MCC: variants seen among roughly 807,000 people sequenced by gnomAD.
MCC encodes the protein colorectal mutant cancer protein.
A neutral mutation model predicts 116.2 loss-of-function variants in MCC; 90 were observed. The observed-to-expected ratio is 0.77, with a 90% confidence interval of 0.65 to 0.92. The LOEUF is 0.92. MCC is among the 40% of genes least tolerant of loss of function. The probability of loss-of-function intolerance (pLI) is 0.00; values close to 1 mark genes in which losing one functional copy is unlikely to be tolerated. For missense variants in MCC, 1,516 were observed against 1,312.2 expected (o/e 1.16, Z -2.40); for synonymous variants, 578 against 510.5 (o/e 1.13, Z -1.78).
intron 15 of MCC, among the ~76,000 whole-genome samples, chr5:113,050,597 T>A (rs529122106): frequency 6.6e-6 from 1 of 152,216 alleles, no homozygotes; most frequent in African/African-American, 2.4e-5. Context: ...AAAGCCAGAA[T>A]GAAAGGTGTG....
rs183063161 is a variant in MCC, at chr5:113,071,601, C to T, written c.1785-367G>A. Among the ~76,000 whole-genome samples, 26 of 152,324 alleles carry T rather than the reference C, an allele frequency of 1.7e-4. No individual in the cohort carries two copies. The East Asian group carries it at 4.0e-3, about 24-fold the overall frequency. ...GTCTGGTGGGCTTAGATAAGTCACC[C>T]TCCACATGCAAGGATGAAAAGCAGC... On this transcript the variant is annotated intron_variant, in intron 11 of 18. Coordinates refer to ENST00000408903, the MANE Select transcript of MCC (RefSeq NM_001085377.2).
intron 8 of MCC, among the ~76,000 whole-genome samples, chr5:113,100,685 C>T (rs1181620332): frequency 6.6e-6 from 1 of 152,028 alleles, no homozygotes; most frequent in Non-Finnish European, 1.5e-5. Context: ...ATTGGCCAGG[C>T]TGGTCTTGAA....
intron 1 of MCC, chr5:113,433,889 C>A (rs919931737): frequency 6.2e-7 from 1 of 1,614,042 alleles, no homozygotes; most frequent in Non-Finnish European, 8.5e-7. Flanking sequence ...GGGGCTGTGC[C>A]TCTCCCTCAG....
chr5:113,333,836 T>TACATATATAC (rs372077130), intron 3 of MCC, among the ~76,000 whole-genome samples: 43 of 59,284 alleles, frequency 7.3e-4, no homozygotes, highest in African/African-American at 9.4e-4. Context: ...TGTATATATG[T>TACATATATAC]ATATATGTAT....
chr5:113,386,770 T>C (rs1769267315), intron 1 of MCC, among the ~76,000 whole-genome samples: 2 of 150,528 alleles, frequency 1.3e-5, no homozygotes, highest in Non-Finnish European at 3.0e-5. Flanking sequence ...TATATATATA[T>C]ATATGCCTCT....
intron 3 of MCC, among the ~76,000 whole-genome samples, chr5:113,264,960 T>C (rs944609023): frequency 1.3e-5 from 2 of 152,064 alleles, no homozygotes; most frequent in Non-Finnish European, 2.9e-5. Flanking sequence ...GAGAATCGCT[T>C]AACTTGGGAG....
At chr5:113,351,808 A>T (rs1768275235) in intron 2 of MCC, among the ~76,000 whole-genome samples, 1 of 152,194 alleles carries the variant, frequency 6.6e-6, no homozygotes, top group Non-Finnish European at 1.5e-5. Flanking sequence ...CATGTACCCC[A>T]TAAATATATA....
At chr5:113,485,120 C>T (rs570493782) in intron 1 of MCC, among the ~76,000 whole-genome samples, 3 of 152,146 alleles carry the variant, frequency 2.0e-5, no homozygotes, top group African/African-American at 7.2e-5. Context: ...TTTTTGTCAG[C>T]CTGATAGGAA....
intron 1 of MCC, among the ~76,000 whole-genome samples, chr5:113,411,079 G>A (rs1030298616): frequency 6.6e-6 from 1 of 152,166 alleles, no homozygotes; most frequent in Non-Finnish European, 1.5e-5. Flanking sequence ...ATGTGCATGT[G>A]TCTTCATAGC....
chr5:113,312,880 A>T (rs1767168914), intron 3 of MCC, among the ~76,000 whole-genome samples: 1 of 152,214 alleles, frequency 6.6e-6, no homozygotes, highest in African/African-American at 2.4e-5. Flanking sequence ...TAAATAAATG[A>T]TTGAGAGATT....
rs532166745 is a variant in MCC, at chr5:113,075,151, C to T, written c.1785-3917G>A. 2.9e-4 allele frequency among the ~76,000 whole-genome samples: 44 copies of T among 152,342 alleles called. 1 individual carries two copies. In the South Asian group the frequency reaches 8.9e-3, roughly 31 times the overall value. ...TGGAGCAGCCGGCTGGTGCCACTGG[C>T]CCTGGGCAGTGAGGGGCTTAGCACC... On this transcript the variant is annotated intron_variant, in intron 11 of 18. Coordinates refer to ENST00000408903, the MANE Select transcript of MCC (RefSeq NM_001085377.2).
intron 16 of MCC, among the ~76,000 whole-genome samples, chr5:113,047,148 G>A (rs940541950): frequency 1.3e-5 from 2 of 152,054 alleles, no homozygotes; most frequent in Non-Finnish European, 1.5e-5. Flanking sequence ...GTGGACATTT[G>A]TGTCTGGCTT....
chr5:113,453,446 C>T (rs936520345), intron 1 of MCC, among the ~76,000 whole-genome samples: 45 of 152,210 alleles, frequency 3.0e-4, no homozygotes, highest in African/African-American at 1.1e-3. Context: ...CCTGGAGTGT[C>T]ACAGCCTAGG....
chr5:113,141,157 GTGGACATCAGAACTCTTCCTGCCCT>G (rs901288673), intron 5 of MCC, among the ~76,000 whole-genome samples: 1 of 152,158 alleles, frequency 6.6e-6, no homozygotes, highest in African/African-American at 2.4e-5. Context: ...TCTCCTGCCC[GTGGACATCAGAACTCTTCCTGCCCT>G]TGGACATCAG....
intron 1 of MCC, among the ~76,000 whole-genome samples, chr5:113,389,275 A>G (rs1769348144): frequency 6.6e-6 from 1 of 152,184 alleles, no homozygotes; most frequent in Non-Finnish European, 1.5e-5. Flanking sequence ...CCCTGTGACT[A>G]TGCCTCTTTA....
intron 3 of MCC, among the ~76,000 whole-genome samples, chr5:113,183,158 GC>G (rs1293303056): frequency 2.0e-5 from 3 of 152,122 alleles, no homozygotes; most frequent in Non-Finnish European, 2.9e-5. Context: ...TCTCTCAGCG[GC>G]CCCATCTGCT....
At chr5:113,253,158 A>C (rs1223864655) in intron 3 of MCC, among the ~76,000 whole-genome samples, 2 of 152,246 alleles carry the variant, frequency 1.3e-5, no homozygotes, top group African/African-American at 2.4e-5. Context: ...CATACTGAGA[A>C]GTAAACCACA....
intron 3 of MCC, among the ~76,000 whole-genome samples, chr5:113,260,336 A>T (rs1381992239): frequency 6.6e-6 from 1 of 152,200 alleles, no homozygotes; most frequent in Non-Finnish European, 1.5e-5. Context: ...TAAGAATGGT[A>T]TTGATTTGCG....
At chr5:113,364,898 C>T (rs1581429418) in intron 2 of MCC, among the ~76,000 whole-genome samples, 1 of 152,158 alleles carries the variant, frequency 6.6e-6, no homozygotes, top group African/African-American at 2.4e-5. Context: ...GAGCAGTGTC[C>T]CAAGCCCACA....
Sources: allele counts gnomAD v4.1 joint callset (sites outside exome capture counted in the v4.1 genomes callset), GRCh38; gene constraint gnomAD v4.1.1; transcripts MANE v1.5; gene names NCBI Gene and HGNC (gene_info 2026-07-23, HGNC 2026-07-21).